KANK4: variants seen among roughly 807,000 people sequenced by gnomAD.
The protein encoded by KANK4 is KN motif and ankyrin repeat domains 4.
KANK4 carries 50 observed loss-of-function variants against 80.8 expected under a neutral mutation model. The ratio of observed to expected loss-of-function variants is 0.62; its 90% confidence interval spans 0.49 to 0.78. The LOEUF (loss-of-function observed/expected upper bound fraction) is 0.78, where lower values mean the gene tolerates loss of function less well. Ranked by LOEUF, KANK4 falls within the 30% of genes least tolerant of loss-of-function variation. The probability of loss-of-function intolerance (pLI) is 0.00; values close to 1 mark genes in which losing one functional copy is unlikely to be tolerated. For synonymous variants in KANK4, 465 were observed against 506.9 expected (o/e 0.92, Z 1.11); for missense variants, 1,196 against 1,240.1 (o/e 0.96, Z 0.53).
chr1:62,269,179 T>C (rs1672100218), intron 4 of KANK4, among the ~76,000 whole-genome samples: 1 of 152,228 alleles, frequency 6.6e-6, no homozygotes. Flanking sequence ...TAGTGACGCT[T>C]ATGCTCAATT....
In KANK4 at chr1:62,274,207, G is replaced by A; in HGVS notation, c.897C>T (p.Leu299=). The change falls in exon 3 of 10, where the codon CTC becomes CTT. Residue 299 remains leucine, a synonymous_variant. Coordinates refer to ENST00000371153, the MANE Select transcript of KANK4 (RefSeq NM_181712.5). ...TGATGTTGAGCTCGATTTCTTCCAG[G>A]AGGAGCTCATTCTCAGGGATGGGTG... is the stretch of plus-strand genomic sequence containing the variant. ...LPSPIPENEL[L]LEEIELNISE... 1.2e-6 allele frequency: 2 copies of A among 1,614,146 alleles called. No individual in the cohort carries two copies. Among genetic ancestry groups the A allele is most frequent in the South Asian group, 2.2e-5 (2 of 91,074 alleles).
chr1:62,309,228 G>A (rs1386259204), intron 1 of KANK4, among the ~76,000 whole-genome samples: 1 of 152,226 alleles, frequency 6.6e-6, no homozygotes, highest in African/African-American at 2.4e-5. Context: ...GGTTGACAGA[G>A]CTCTCTCTTC....
chr1:62,283,688 C>T (rs2149154313), intron 1 of KANK4, among the ~76,000 whole-genome samples: 2 of 152,298 alleles, frequency 1.3e-5, no homozygotes, highest in Middle Eastern at 6.8e-3. Context: ...CTCTGCTTCT[C>T]CAAGGCTGGA....
rs1672277812 is a variant in KANK4, at chr1:62,275,039, C to T, written c.65G>A (p.Ser22Asn). The T allele has an allele frequency of 6.2e-7, 1 of 1,613,704 alleles. No homozygotes were observed. The highest frequency in any genetic ancestry group is 8.5e-7 in the Non-Finnish European group (1 of 1,179,946). Residue 22 changes from serine to asparagine, a missense_variant, in exon 3 of 10, where the codon AGC (serine) becomes AAC (asparagine). Coordinates refer to ENST00000371153, the MANE Select transcript of KANK4 (RefSeq NM_181712.5). ...TGGGGTCTCCACAGAATAAGGGTGG[C>T]TCTTCGGAGGGTCTTTCTCTTCATC... The part of the protein sequence containing the change: ...QGDEEKDPPK[S>N]HPYSVETPYG...
intron 8 of KANK4, among the ~76,000 whole-genome samples, chr1:62,249,388 T>G (rs1279360654): frequency 6.6e-6 from 1 of 151,742 alleles, no homozygotes. Context: ...ACATGTATTT[T>G]TTTTTTTTGA....
intron 1 of KANK4, among the ~76,000 whole-genome samples, chr1:62,284,166 A>T (rs1245935179): frequency 6.6e-6 from 1 of 152,142 alleles, no homozygotes; most frequent in East Asian, 1.9e-4. Context: ...AGCAACAGAC[A>T]TCGTGGAGCT....
At chr1:62,306,976 A>G (rs1169217721) in intron 1 of KANK4, among the ~76,000 whole-genome samples, 1 of 152,244 alleles carries the variant, frequency 6.6e-6, no homozygotes, top group Non-Finnish European at 1.5e-5. Context: ...TAAACATCTT[A>G]CAATACAATA....
chr1:62,266,503 C>A (rs1672023998), intron 6 of KANK4, among the ~76,000 whole-genome samples: 1 of 150,418 alleles, frequency 6.6e-6, no homozygotes, highest in South Asian at 2.1e-4. Context: ...CACACACACA[C>A]CACTCACACC....
chr1:62,273,488 C>A lies in KANK4; in HGVS notation c.1616G>T (p.Ser539Ile). The A allele has an allele frequency of 6.2e-7, 1 of 1,614,032 alleles. No homozygotes were observed. The highest frequency in any genetic ancestry group is 1.3e-5 in the African/African-American group (1 of 75,058). Residue 539 changes from serine to isoleucine, a missense_variant, in exon 3 of 10, where the codon AGT (serine) becomes ATT (isoleucine). By Grantham distance (142) the Ser-to-Ile change is moderately radical (BLOSUM62 -2). Around this residue, in one of 3 missense-constraint regions of KANK4, gnomAD observed 1,154 missense variants for 1,179.6 expected, o/e 0.98. Transcript: ENST00000371153. ...GTGCTCCTTCCCTGGGAGATTGGAA[C>A]TGGTCTCCTCCCTCCCTGCTGGGGG... ...KTPPAGREET[S>I]SNLPGKEHPG...
rs142446645 is a variant in KANK4 at position 62,266,360 on chromosome 1, C to T, written c.2319+372G>A. Among the ~76,000 whole-genome samples, 4 of 151,992 alleles carry T rather than the reference C, an allele frequency of 2.6e-5. No homozygotes were observed. In the East Asian group the frequency reaches 7.8e-4, roughly 29 times the overall value. On this transcript the variant is annotated intron_variant, in intron 6 of 9. Coordinates refer to ENST00000371153, the MANE Select transcript of KANK4 (RefSeq NM_181712.5). ...CGCCACTCACACCACTGCACACACA[C>T]CACTGCTTCACACTGTGCACTGTAC...
intron 4 of KANK4, among the ~76,000 whole-genome samples, chr1:62,269,789 A>T (rs1017531159): frequency 8.6e-5 from 13 of 150,956 alleles, no homozygotes; most frequent in South Asian, 4.2e-4. Context: ...AATAAAATTT[A>T]AAAAAAAAGA....
chr1:62,299,533 C>T (rs1644394646), intron 1 of KANK4, among the ~76,000 whole-genome samples: 1 of 152,030 alleles, frequency 6.6e-6, no homozygotes, highest in Non-Finnish European at 1.5e-5. Context: ...GGAAGGATTG[C>T]CAAGGAGCAG....
intron 7 of KANK4, among the ~76,000 whole-genome samples, chr1:62,256,057 C>A (rs561014159): frequency 6.6e-6 from 1 of 152,304 alleles, no homozygotes; most frequent in Admixed American, 6.5e-5. Context: ...CATAAAGTTT[C>A]TTAAAGCATT....
intron 4 of KANK4, among the ~76,000 whole-genome samples, chr1:62,269,822 G>A (rs1384315734): frequency 1.3e-5 from 2 of 152,196 alleles, no homozygotes; most frequent in Admixed American, 1.3e-4. Flanking sequence ...AAGGATAAGA[G>A]GAGTGGCTAC....
intron 1 of KANK4, chr1:62,298,150 T>C (rs1487410598): frequency 6.6e-6 from 1 of 152,204 alleles, no homozygotes; most frequent in Non-Finnish European, 1.5e-5. Flanking sequence ...TTTTCTTTTT[T>C]AAATATGAAA....
chr1:62,285,886 T>C (rs923135103), intron 1 of KANK4, among the ~76,000 whole-genome samples: 12 of 152,126 alleles, frequency 7.9e-5, no homozygotes, highest in Non-Finnish European at 1.5e-4. Flanking sequence ...AGTGCAAATA[T>C]TCCCTGTGCC....
rs1294889650 is a variant in KANK4 at position 62,273,739 on chromosome 1, T to C, written c.1365A>G (p.Leu455=). Residue 455 remains leucine, a synonymous_variant, in exon 3 of 10, where the codon CTA becomes CTG. Coordinates refer to ENST00000371153, the MANE Select transcript of KANK4 (RefSeq NM_181712.5). The part of the protein sequence containing the change: ...WGHRGEENGL[L]WGPDGHKQGN... ...CTTGTTTATGACCATCTGGCCCCCATAGGAGGCCATTCTCCTCTCCTCGGT... is the reference window on the plus strand; with the variant it reads ...CTTGTTTATGACCATCTGGCCCCCACAGGAGGCCATTCTCCTCTCCTCGGT... 5 of 1,614,052 alleles carry C rather than the reference T, an allele frequency of 3.1e-6. No individual in the cohort carries two copies. The highest frequency in any genetic ancestry group is 2.5e-6 in the Non-Finnish European group (3 of 1,179,958).
At chr1:62,282,058 T>C (rs1672462894) in intron 1 of KANK4, among the ~76,000 whole-genome samples, 1 of 152,086 alleles carries the variant, frequency 6.6e-6, no homozygotes. Flanking sequence ...TATAATCCAC[T>C]TTGCGAAAAA....
intron 1 of KANK4, among the ~76,000 whole-genome samples, chr1:62,307,590 C>T (rs553944114): frequency 2.0e-4 from 30 of 151,800 alleles, no homozygotes; most frequent in African/African-American, 5.3e-4. Context: ...CCCTGTAACA[C>T]ATTAACATTC....
Sources: gnomAD v4.1 joint callset for allele counts (sites outside exome capture counted in the v4.1 genomes callset) on GRCh38, gnomAD v4.1.1 for gene constraint, gnomAD v4.1.1 regional missense constraint, MANE v1.5 for transcripts, NCBI Gene and HGNC (gene_info 2026-07-23, HGNC 2026-07-21) for gene names.